Variants in FAM98B observed in about 807,000 individuals in gnomAD.
FAM98B encodes tRNA splicing ligase complex subunit 3B, also known as tRNA-splicing ligase complex subunit FAM98B.
FAM98B carries 32 observed loss-of-function variants against 43.9 expected under a neutral mutation model. The ratio of observed to expected loss-of-function variants is 0.73; its 90% CI spans 0.55 to 0.98. The LOEUF is 0.98. FAM98B is among the 50% of genes least tolerant of loss of function. The pLI is 0.00. For synonymous variants in FAM98B, 190 were observed against 174.0 expected (o/e 1.09, Z -0.72); for missense variants, 514 against 522.9 (o/e 0.98, Z 0.17).
intron 1 of FAM98B, chr15:38,459,353 T>G (rs990266525): frequency 2.2e-6 from 1 of 463,586 alleles, no homozygotes; most frequent in Non-Finnish European, 4.3e-6. Context: ...GGTGTTGGCT[T>G]CCTCCTTATA....
At chr15:38,477,170 A>G (rs137958338) in intron 6 of FAM98B, among the ~76,000 whole-genome samples, 2 of 141,034 alleles carry the variant, frequency 1.4e-5, no homozygotes, top group African/African-American at 2.6e-5. Flanking sequence ...TATAAAGCCT[A>G]TTGGGAACTA....
At chr15:38,475,720 T>C (rs1595802475) in intron 6 of FAM98B, among the ~76,000 whole-genome samples, 1 of 152,318 alleles carries the variant, frequency 6.6e-6, no homozygotes, top group East Asian at 1.9e-4. Flanking sequence ...GATGTTTAAC[T>C]TAATCATACC....
intron 4 of FAM98B, among the ~76,000 whole-genome samples, chr15:38,472,352 T>A (rs1052808485): frequency 6.8e-6 from 1 of 146,448 alleles, no homozygotes; most frequent in African/African-American, 2.6e-5. Context: ...GAAAATAAAT[T>A]AATAATTTCT....
At chr15:38,481,705 T>A in intron 7 of FAM98B, 1 of 1,168,684 alleles carries the variant, frequency 8.6e-7, no homozygotes, top group Non-Finnish European at 1.2e-6. Context: ...GTCAAAGCTT[T>A]AGCAAGAATT....
Position 38,484,443 on chromosome 15 carries a change from AGGAGGAGGTTGGGGAGGTGGTGGG to A in FAM98B, c.1092_1115del (p.Trp366_Gly373del). The A allele has an allele frequency of 2.3e-6, 1 of 429,660 alleles. No homozygotes were observed. The highest frequency in any genetic ancestry group is 9.5e-5 in the South Asian group (1 of 10,540). The allele number at this position is 429,660 out of a possible 1,614,324, so 26.6% of individuals were successfully genotyped here. ...GTGGGAGAGGTGGCTGGGGGGGTGGAGGAGGAGGTTGGGGAGGTGGTGGGGGAGGGGGAGGAGGGTGGGGGGGAG... is the reference window on the plus strand; with the variant it reads ...GTGGGAGAGGTGGCTGGGGGGGTGGAGGAGGGGGAGGAGGGTGGGGGGGAG... On this transcript the variant is annotated inframe_deletion, in exon 8 of 8. Coordinates refer to ENST00000397609, the MANE Select transcript of FAM98B (RefSeq NM_173611.4).
At chr15:38,481,184 CT>C (rs1890278138) in intron 6 of FAM98B, 107 bp from the exon 7 acceptor site, 1 of 902,788 alleles carries the variant, frequency 1.1e-6, no homozygotes, top group Non-Finnish European at 1.7e-6. Context: ...TTTCTAACTC[CT>C]TGCTTATGCA....
Position 38,487,198 on chromosome 15 carries a change from G to A in FAM98B, c.*2539G>A, listed in dbSNP as rs1890390719. 6.6e-6 allele frequency: 1 copy of A among 151,980 alleles called. No individual in the cohort carries two copies. Among genetic ancestry groups the A allele is most frequent in the Non-Finnish European group, 1.5e-5 (1 of 67,944 alleles). The allele number at this position is 151,980 out of a possible 1,614,324, so 9.4% of individuals were successfully genotyped here. A position where few individuals can be genotyped will look rare whatever the true frequency, so the allele number is the denominator to read the frequency against. On this transcript the variant is annotated 3_prime_UTR_variant, in exon 8 of 8. Coordinates refer to ENST00000397609, the MANE Select transcript of FAM98B (RefSeq NM_173611.4). ...AAGCACACATCAAAAGGGAAACAAG[G>A]GTTTTCTTTGAACTTACTTTTGTTT... is the stretch of plus-strand genomic sequence containing the variant.
In FAM98B at chr15:38,470,392, A is replaced by G; in HGVS notation, c.518A>G (p.Gln173Arg). 6.3e-7 allele frequency: 1 copy of G among 1,595,008 alleles called. No homozygotes were observed. The highest frequency in any genetic ancestry group is 2.3e-5 in the East Asian group (1 of 44,388). Residue 173 changes from glutamine (Q) to arginine (R), a missense_variant, in exon 4 of 8, where the codon CAA becomes CGA. Coordinates refer to ENST00000397609, the MANE Select transcript of FAM98B (RefSeq NM_173611.4). Reference sequence around the variant, plus strand: ...TCTGACATTCCGCATATGCTAAACCAAGTGGAATCAAAGGTATTATCTTTG... The same window carrying G: ...TCTGACATTCCGCATATGCTAAACCGAGTGGAATCAAAGGTATTATCTTTG... Reference protein sequence around the residue: ...TTSDIPHMLNQVESKVKDILS... With the variant: ...TTSDIPHMLNRVESKVKDILS...
intron 6 of FAM98B, among the ~76,000 whole-genome samples, chr15:38,479,419 C>G (rs1028102190): frequency 1.3e-5 from 2 of 152,186 alleles, no homozygotes; most frequent in Non-Finnish European, 2.9e-5. Flanking sequence ...ACCTCCATGC[C>G]CTGGCAACCA....
intron 7 of FAM98B, chr15:38,483,136 T>TA (rs1890307008): frequency 6.6e-6 from 1 of 152,192 alleles, no homozygotes; most frequent in South Asian, 2.1e-4. Context: ...TATAATCTTT[T>TA]ATTGGATAAT....
chr15:38,469,453 A>G (rs1890090300), intron 3 of FAM98B, among the ~76,000 whole-genome samples: 1 of 152,144 alleles, frequency 6.6e-6, no homozygotes, highest in African/African-American at 2.4e-5. Flanking sequence ...ACAGAGAATA[A>G]TTTATCAGAG....
chr15:38,480,076 G>C (rs1890260739), intron 6 of FAM98B, among the ~76,000 whole-genome samples: 1 of 151,940 alleles, frequency 6.6e-6, no homozygotes, highest in Non-Finnish European at 1.5e-5. Context: ...TAGAAAGGAA[G>C]TTTGCTGGTT....
At chr15:38,470,524 C>A (rs556112662) in intron 4 of FAM98B, 119 bp downstream of exon 4, 2 of 931,538 alleles carry the variant, frequency 2.1e-6, no homozygotes, top group South Asian at 2.3e-5. Flanking sequence ...AAGAGTTTAT[C>A]TTCATATAAA....
intron 1 of FAM98B, among the ~76,000 whole-genome samples, chr15:38,462,077 T>C (rs2141052948): frequency 6.6e-6 from 1 of 152,322 alleles, no homozygotes; most frequent in South Asian, 2.1e-4. Context: ...AGTATATAAC[T>C]GTAAAAATGG....
intron 1 of FAM98B, among the ~76,000 whole-genome samples, chr15:38,455,077 G>A (rs562764855): frequency 6.6e-6 from 1 of 152,072 alleles, no homozygotes; most frequent in East Asian, 1.9e-4. Flanking sequence ...CTTCTCCCTC[G>A]TTTTATTCCT....
chr15:38,457,874 G>A (rs1308242360), intron 1 of FAM98B, among the ~76,000 whole-genome samples: 1 of 151,802 alleles, frequency 6.6e-6, no homozygotes, highest in Non-Finnish European at 1.5e-5. Context: ...AAGAAAGGAG[G>A]CCAAAACTCC....
At position 38,470,558 on chromosome 15, in the gene FAM98B, C is replaced by T. The variant is rs535498285; in HGVS notation, c.531+153C>T. ...AACCCAGTTTTGGATTCAGACTTAA[C>T]AGGCATGTGACCTAATCTGTCAGTA... is the stretch of plus-strand genomic sequence containing the variant. On this transcript the variant is annotated intron_variant, in intron 4 of 7. Transcript: ENST00000397609. 11 of 603,518 alleles carry T rather than the reference C, an allele frequency of 1.8e-5. No homozygotes were observed. In the East Asian group the frequency reaches 3.4e-4, roughly 19 times the overall value. The allele number at this position is 603,518 out of a possible 1,614,324, so 37.4% of individuals were successfully genotyped here. A position where few individuals can be genotyped will look rare whatever the true frequency, so the allele number is the denominator to read the frequency against.
chr15:38,474,208 T>C lies in FAM98B; in HGVS notation c.639T>C (p.Ala213=). The C allele has an allele frequency of 6.2e-7, 1 of 1,613,738 alleles. No homozygotes were observed. The highest frequency in any genetic ancestry group is 8.5e-7 in the Non-Finnish European group (1 of 1,179,742). Residue 213 remains alanine (A), a synonymous_variant, in exon 6 of 8, where the codon GCT becomes GCC. Transcript: ENST00000397609. Reference sequence around the variant, plus strand: ...AACAACTGGAAAGAATCAATGATGCTCTTTCCTGTGAATATGAGTGCCGCC... The same window carrying C: ...AACAACTGGAAAGAATCAATGATGCCCTTTCCTGTGAATATGAGTGCCGCC... ...QAEQLERIND[A]LSCEYECRRR... is the part of the protein sequence containing the mutation.
intron 1 of FAM98B, among the ~76,000 whole-genome samples, chr15:38,454,762 C>T (rs1889822221): frequency 6.6e-6 from 1 of 152,138 alleles, no homozygotes; most frequent in Admixed American, 6.5e-5. Flanking sequence ...TGTATATTAG[C>T]TTGTATATTA....
Sources: allele counts gnomAD v4.1 joint callset (sites outside exome capture counted in the v4.1 genomes callset), GRCh38; gene constraint gnomAD v4.1.1; transcripts MANE v1.5; gene names NCBI Gene and HGNC (gene_info 2026-07-23, HGNC 2026-07-21).